Variants in RABGAP1L observed in about 807,000 individuals in gnomAD.
RABGAP1L encodes the protein RAB GTPase activating protein 1 like, also known as rab GTPase-activating protein 1-like.
RABGAP1L carries 63 observed loss-of-function variants against 137.7 expected under a neutral mutation model. The ratio of observed to expected loss-of-function variants is 0.46; its 90% CI spans 0.37 to 0.56. The LOEUF (loss-of-function observed/expected upper bound fraction) is 0.56. RABGAP1L is among the 20% of genes least tolerant of loss of function. The pLI, the probability that RABGAP1L is intolerant of heterozygous loss-of-function variation, is 0.00. For missense variants in RABGAP1L, 1,095 were observed against 1,244.0 expected, an observed-to-expected ratio of 0.88 and a Z score of 1.80; for synonymous variants, 431 against 433.7, an observed-to-expected ratio of 0.99 and a Z score of 0.08.
At chr1:174,201,100 CTA>C (rs1340142821) in intron 1 of RABGAP1L, among the ~76,000 whole-genome samples, 3 of 152,110 alleles carry the variant, frequency 2.0e-5, no homozygotes, top group East Asian at 3.9e-4. Flanking sequence ...TTTATAGAAA[CTA>C]TTTTTTAATT....
At chr1:174,308,659 G>A (rs1316353216) in intron 11 of RABGAP1L, among the ~76,000 whole-genome samples, 1 of 151,858 alleles carries the variant, frequency 6.6e-6, no homozygotes, top group Non-Finnish European at 1.5e-5. Flanking sequence ...GTATGTTCTT[G>A]GCACCTTTGT....
intron 1 of RABGAP1L, among the ~76,000 whole-genome samples, chr1:174,162,777 G>GTTTTTTTTTTTTTTTTTTTTTTT (rs67811794): frequency 3.9e-5 from 2 of 51,556 alleles, no homozygotes; most frequent in Non-Finnish European, 6.7e-5. Flanking sequence ...TTCTCTTTCT[G>GTTTTTTTTTTTTTTTTTTTTTTT]TTTTTTTTTT....
At chr1:174,752,430 C>T (rs1684413778) in intron 18 of RABGAP1L, 76 bp downstream of exon 18, 4 of 1,072,928 alleles carry the variant, frequency 3.7e-6, no homozygotes, top group Non-Finnish European at 5.4e-6. Context: ...ATTCAATTTA[C>T]AGTCTTTGAC....
intron 13 of RABGAP1L, chr1:174,547,768 C>T (rs756317030): frequency 8.2e-5 from 104 of 1,267,658 alleles, no homozygotes; most frequent in Admixed American, 1.3e-4. Context: ...TTTAAATTGA[C>T]GTTAGATGCA....
chr1:174,624,161 G>T (rs556732621), intron 13 of RABGAP1L, among the ~76,000 whole-genome samples: 1 of 152,130 alleles, frequency 6.6e-6, no homozygotes, highest in African/African-American at 2.4e-5. Flanking sequence ...GTGCTTTCCT[G>T]CTTTGGAGGG....
intron 1 of RABGAP1L, among the ~76,000 whole-genome samples, chr1:174,195,896 C>T (rs1475794668): frequency 2.1e-5 from 3 of 139,976 alleles, no homozygotes; most frequent in African/African-American, 8.0e-5. Flanking sequence ...AGTGCAGTGG[C>T]GTGATCTCAG....
chr1:174,547,781 A>T, intron 13 of RABGAP1L: 1 of 1,380,722 alleles, frequency 7.2e-7, no homozygotes, highest in Non-Finnish European at 9.9e-7. Flanking sequence ...TAGATGCATC[A>T]GTTTATTACC....
At chr1:174,880,826 A>G (rs1456242111) in intron 19 of RABGAP1L, among the ~76,000 whole-genome samples, 2 of 151,826 alleles carry the variant, frequency 1.3e-5, no homozygotes, top group Admixed American at 6.6e-5. Context: ...GGCTCCAGCA[A>G]TCCTCCCACC....
chr1:174,714,502 G>A (rs575263691), intron 17 of RABGAP1L, among the ~76,000 whole-genome samples: 104 of 152,236 alleles, frequency 6.8e-4, no homozygotes, highest in Non-Finnish European at 1.1e-3. Context: ...GAATGAAGAA[G>A]TAACGGACAT....
At chr1:174,364,348 G>A (rs939340518) in intron 11 of RABGAP1L, among the ~76,000 whole-genome samples, 2 of 131,966 alleles carry the variant, frequency 1.5e-5, no homozygotes, top group Non-Finnish European at 3.1e-5. Flanking sequence ...TCCGCCTCCC[G>A]GGTTCACGCC....
intron 13 of RABGAP1L, among the ~76,000 whole-genome samples, chr1:174,523,367 A>G (rs946444526): frequency 6.6e-5 from 10 of 152,338 alleles, no homozygotes; most frequent in African/African-American, 2.4e-4. Context: ...ACCAAAACAA[A>G]AAAATAAAAA....
chr1:174,229,711 G>A (rs985194084), intron 3 of RABGAP1L, among the ~76,000 whole-genome samples: 2 of 152,170 alleles, frequency 1.3e-5, no homozygotes, highest in Non-Finnish European at 2.9e-5. Flanking sequence ...ATTGTGAATA[G>A]TGCCGCTATA....
chr1:174,297,907 C>T (rs1386516630), intron 10 of RABGAP1L, among the ~76,000 whole-genome samples: 3 of 152,174 alleles, frequency 2.0e-5, no homozygotes, highest in African/African-American at 7.2e-5. Flanking sequence ...TTTGGGTTCC[C>T]TTTCCCTGAG....
chr1:174,677,942 A>T (rs1677761561), intron 14 of RABGAP1L, among the ~76,000 whole-genome samples: 1 of 152,152 alleles, frequency 6.6e-6, no homozygotes, highest in Non-Finnish European at 1.5e-5. Context: ...AAATGTATTT[A>T]AAAAAGAAAA....
chr1:174,918,325 T>C (rs1297417820), intron 19 of RABGAP1L, among the ~76,000 whole-genome samples: 1 of 152,242 alleles, frequency 6.6e-6, no homozygotes, highest in East Asian at 1.9e-4. Context: ...ATCTATAATG[T>C]ATATATTTAT....
At chr1:174,607,100 A>G (rs1313732763) in intron 13 of RABGAP1L, among the ~76,000 whole-genome samples, 1 of 152,132 alleles carries the variant, frequency 6.6e-6, no homozygotes, top group Non-Finnish European at 1.5e-5. Flanking sequence ...ATTAAGGACT[A>G]ATTTTTAATA....
intron 17 of RABGAP1L, among the ~76,000 whole-genome samples, chr1:174,740,695 C>A (rs1397725666): frequency 6.6e-6 from 1 of 152,056 alleles, no homozygotes; most frequent in Non-Finnish European, 1.5e-5. Flanking sequence ...ACATTCCCAC[C>A]AACAGTGTAT....
intron 18 of RABGAP1L, among the ~76,000 whole-genome samples, chr1:174,784,489 G>A (rs1414035980): frequency 6.6e-6 from 1 of 152,044 alleles, no homozygotes; most frequent in Non-Finnish European, 1.5e-5. Flanking sequence ...TGGGAGGTGG[G>A]AGAGGTTTAC....
intron 19 of RABGAP1L, among the ~76,000 whole-genome samples, chr1:174,932,000 T>TTG (rs1663904417): frequency 7.0e-6 from 1 of 142,810 alleles, no homozygotes; most frequent in African/African-American, 2.7e-5. Context: ...GTTTTTTTTT[T>TTG]TTTTTTTTTT....
Sources: allele counts gnomAD v4.1 joint callset (sites outside exome capture counted in the v4.1 genomes callset), GRCh38; gene constraint gnomAD v4.1.1; transcripts MANE v1.5; gene names NCBI Gene and HGNC (gene_info 2026-07-23, HGNC 2026-07-21).